CSMD1: variants seen among roughly 807,000 people sequenced by gnomAD.
The protein encoded by CSMD1 is CUB and Sushi multiple domains 1.
In CSMD1, 213 loss-of-function variants were observed where a neutral mutation model predicts 417.5. That is an observed-to-expected ratio of 0.51 (90% CI 0.46 to 0.57). CSMD1 has a LOEUF of 0.57. CSMD1 is among the 20% of genes least tolerant of loss of function. The pLI is 0.00. For synonymous variants in CSMD1, 2,862 were observed against 1,736.8 expected (o/e 1.65, Z -16.11); for missense variants, 6,923 against 4,529.7 (o/e 1.53, Z -15.17).
intron 3 of CSMD1, among the ~76,000 whole-genome samples, chr8:4,101,665 T>G (rs1470974776): frequency 6.6e-6 from 1 of 152,188 alleles, no homozygotes; most frequent in Non-Finnish European, 1.5e-5. Flanking sequence ...AATAGAATGT[T>G]GAATTTATGA....
intron 8 of CSMD1, among the ~76,000 whole-genome samples, chr8:3,597,632 T>C (rs1024310761): frequency 1.3e-5 from 2 of 152,186 alleles, no homozygotes; most frequent in African/African-American, 2.4e-5. Context: ...CCAGCACATA[T>C]ACACCATGGA....
intron 5 of CSMD1, among the ~76,000 whole-genome samples, chr8:3,993,623 A>T (rs976139798): frequency 2.0e-5 from 3 of 152,216 alleles, no homozygotes; most frequent in Non-Finnish European, 4.4e-5. Context: ...CATACACCAG[A>T]TAGGCAAAAG....
At chr8:3,172,982 T>G (rs1820677656) in intron 37 of CSMD1, among the ~76,000 whole-genome samples, 1 of 152,180 alleles carries the variant, frequency 6.6e-6, no homozygotes, top group Non-Finnish European at 1.5e-5. Flanking sequence ...TAATCCTAAG[T>G]GGCTGTCCCA....
At chr8:4,715,097 C>G (rs772047767) in intron 1 of CSMD1, among the ~76,000 whole-genome samples, 59 of 152,156 alleles carry the variant, frequency 3.9e-4, no homozygotes, top group Non-Finnish European at 7.2e-4. Flanking sequence ...CTCCAGTCCT[C>G]TCATCACTTA....
At chr8:4,515,291 G>T (rs964352509) in intron 2 of CSMD1, among the ~76,000 whole-genome samples, 1 of 152,140 alleles carries the variant, frequency 6.6e-6, no homozygotes, top group African/African-American at 2.4e-5. Context: ...ATCTGATGTG[G>T]CTCATGTACT....
chr8:3,729,651 G>C (rs555819661), intron 6 of CSMD1, among the ~76,000 whole-genome samples: 1 of 150,878 alleles, frequency 6.6e-6, no homozygotes, highest in Non-Finnish European at 1.5e-5. Context: ...TAGAGGAAGC[G>C]ATGGGGGCTA....
intron 2 of CSMD1, among the ~76,000 whole-genome samples, chr8:4,619,944 T>A (rs771954598): frequency 6.6e-6 from 1 of 152,078 alleles, no homozygotes; most frequent in Non-Finnish European, 1.5e-5. Flanking sequence ...TACATTTATA[T>A]TTATATGCTG....
At chr8:4,381,399 A>C (rs1803095455) in intron 3 of CSMD1, among the ~76,000 whole-genome samples, 1 of 151,908 alleles carries the variant, frequency 6.6e-6, no homozygotes, top group South Asian at 2.1e-4. Flanking sequence ...GGGGTGGAAA[A>C]CCCATGAATA....
chr8:4,274,199 G>C (rs932401047), intron 3 of CSMD1, among the ~76,000 whole-genome samples: 1 of 152,036 alleles, frequency 6.6e-6, no homozygotes, highest in South Asian at 2.1e-4. Context: ...CAGAACCAGA[G>C]AAGAAAATAG....
At chr8:4,192,789 G>T (rs1246797288) in intron 3 of CSMD1, among the ~76,000 whole-genome samples, 2 of 152,038 alleles carry the variant, frequency 1.3e-5, no homozygotes, top group Admixed American at 1.3e-4. Context: ...TTTGTTTCAG[G>T]CTCAAACACA....
chr8:2,998,314 T>C (rs1807094449), intron 53 of CSMD1, 130 bp from the exon 54 acceptor site: 1 of 805,460 alleles, frequency 1.2e-6, no homozygotes. Context: ...CCAGGCAGCT[T>C]ACAGATGGTA....
intron 5 of CSMD1, among the ~76,000 whole-genome samples, chr8:3,877,054 CGTA>C (rs1805871157): frequency 6.6e-6 from 1 of 152,104 alleles, no homozygotes. Flanking sequence ...TTTTGCCTGT[CGTA>C]ACCACAATGT....
chr8:3,889,628 A>G (rs1323660637), intron 5 of CSMD1, among the ~76,000 whole-genome samples: 2 of 150,842 alleles, frequency 1.3e-5, no homozygotes, highest in Non-Finnish European at 3.0e-5. Flanking sequence ...TGACAGTGTG[A>G]AGAGGAAATC....
intron 12 of CSMD1, among the ~76,000 whole-genome samples, chr8:3,431,651 T>A (rs553188828): frequency 1.3e-3 from 200 of 152,316 alleles, no homozygotes; most frequent in African/African-American, 4.6e-3. Context: ...TGTTTATTAA[T>A]GTTCTCCCTT....
At chr8:3,639,062 C>T (rs1025299057) in intron 7 of CSMD1, among the ~76,000 whole-genome samples, 3 of 152,174 alleles carry the variant, frequency 2.0e-5, no homozygotes, top group South Asian at 2.1e-4. Flanking sequence ...CTTAGCATTA[C>T]GTTCAGCCTA....
intron 5 of CSMD1, 53 bp downstream of exon 5, chr8:3,997,850 A>T: frequency 1.3e-6 from 2 of 1,511,792 alleles, no homozygotes; most frequent in Admixed American, 3.8e-5. Context: ...GTTGGGGGAA[A>T]AAACGGGGAA....
At chr8:4,991,668 C>A (rs536503996) in intron 1 of CSMD1, among the ~76,000 whole-genome samples, 5 of 152,232 alleles carry the variant, frequency 3.3e-5, no homozygotes, top group African/African-American at 1.2e-4. Context: ...CGCTGCCGAG[C>A]CCCGGGGCCC....
intron 3 of CSMD1, among the ~76,000 whole-genome samples, chr8:4,268,520 C>G (rs1021063104): frequency 1.3e-5 from 2 of 152,066 alleles, no homozygotes; most frequent in South Asian, 2.1e-4. Flanking sequence ...AAGTAGTAGT[C>G]AAAATGATTT....
chr8:3,057,793 A>G (rs1413801160), intron 49 of CSMD1, among the ~76,000 whole-genome samples: 1 of 152,120 alleles, frequency 6.6e-6, no homozygotes, highest in Non-Finnish European at 1.5e-5. Flanking sequence ...GTGATTATGT[A>G]TTTTCAATTT....
Sources: allele counts gnomAD v4.1 joint callset (sites outside exome capture counted in the v4.1 genomes callset), GRCh38; gene constraint gnomAD v4.1.1; transcripts MANE v1.5; gene names NCBI Gene and HGNC (gene_info 2026-07-23, HGNC 2026-07-21).